KCNT2: variants seen among roughly 807,000 people sequenced by gnomAD.
KCNT2 encodes potassium channel subfamily T member 2.
Under a neutral mutation model 153.8 loss-of-function variants are expected in KCNT2, and 67 were observed. The ratio of observed to expected loss-of-function variants is 0.44; its 90% CI spans 0.36 to 0.53. KCNT2 has a LOEUF of 0.53. Among genes scored for constraint, KCNT2 ranks in the 20% least tolerant of loss-of-function variants. The pLI is 0.00. For synonymous variants in KCNT2, 500 were observed against 458.8 expected, an observed-to-expected ratio of 1.09 and a Z score of -1.15; for missense variants, 975 against 1,354.8, an observed-to-expected ratio of 0.72 and a Z score of 4.40.
chr1:196,585,939 C>T (rs775110225), intron 1 of KCNT2, among the ~76,000 whole-genome samples: 1 of 152,000 alleles, frequency 6.6e-6, no homozygotes, highest in Admixed American at 6.6e-5. Flanking sequence ...TAAATCTCAA[C>T]TCTATTGAAC....
Position 196,442,260 on chromosome 1 carries a change from G to A in KCNT2, c.639-12503C>T, listed in dbSNP as rs1434816705. The stretch of plus-strand genomic sequence containing the variant: ...TCACTTTACCTTTCTACTAATAAAT[G>A]AGAACACTTTCAATTTGTTACTTCT... On this transcript the variant is annotated intron_variant, in intron 8 of 27. Transcript: ENST00000294725. Among the ~76,000 whole-genome samples the A allele has an allele frequency of 1.6e-4, 24 of 151,784 alleles. No homozygotes were observed. The Admixed American group carries it at 1.6e-3, about 10-fold the overall frequency.
chr1:196,411,090 CTT>C (rs1672276794), intron 12 of KCNT2, among the ~76,000 whole-genome samples: 3 of 68,404 alleles, frequency 4.4e-5, no homozygotes, highest in Non-Finnish European at 6.9e-5. Context: ...TCCTTCCTTC[CTT>C]CCTTCCTTCC....
intron 25 of KCNT2, among the ~76,000 whole-genome samples, chr1:196,265,344 T>C (rs919510028): frequency 1.3e-5 from 2 of 152,212 alleles, no homozygotes. Context: ...TGCTGAGTCT[T>C]TCCAAGTTTC....
rs147071877 is a variant in KCNT2 at position 196,544,304 on chromosome 1, ATATT to A, written c.96-51967_96-51964del. 5.4e-4 allele frequency among the ~76,000 whole-genome samples: 82 copies of A among 152,088 alleles called. No homozygotes were observed. The East Asian group carries it at 0.015, about 28-fold the overall frequency. On this transcript the variant is annotated intron_variant, in intron 1 of 27. Transcript: ENST00000294725. ...CCATCATTTGTAAAAAGAAATATAT[ATATT>A]TAATTATAGATGTATAGAATATGTT...
intron 1 of KCNT2, among the ~76,000 whole-genome samples, chr1:196,498,787 T>C (rs1033698494): frequency 6.6e-6 from 1 of 152,204 alleles, no homozygotes; most frequent in Non-Finnish European, 1.5e-5. Context: ...CTCACTCTGT[T>C]TTCACTACTA....
At chr1:196,427,283 T>TG (rs2148534565) in intron 10 of KCNT2, among the ~76,000 whole-genome samples, 1 of 152,078 alleles carries the variant, frequency 6.6e-6, no homozygotes, top group East Asian at 1.9e-4. Flanking sequence ...ATAAATTAGG[T>TG]GTTTTAAAAC....
chr1:196,520,349 A>G (rs1649492461), intron 1 of KCNT2, among the ~76,000 whole-genome samples: 1 of 152,054 alleles, frequency 6.6e-6, no homozygotes, highest in Non-Finnish European at 1.5e-5. Flanking sequence ...AGCCAATATC[A>G]TACTGAATAG....
intron 25 of KCNT2, among the ~76,000 whole-genome samples, chr1:196,266,518 TTAAAG>T (rs1657557306): frequency 6.6e-6 from 1 of 152,114 alleles, no homozygotes; most frequent in African/African-American, 2.4e-5. Flanking sequence ...TAATGACAAA[TTAAAG>T]TAAATCAAAT....
At chr1:196,303,704 T>A (rs1390209223) in intron 22 of KCNT2, among the ~76,000 whole-genome samples, 1 of 152,146 alleles carries the variant, frequency 6.6e-6, no homozygotes, top group Non-Finnish European at 1.5e-5. Context: ...CTCCTACCAC[T>A]ATTTTCCACA....
intron 21 of KCNT2, among the ~76,000 whole-genome samples, chr1:196,313,498 G>A (rs1662394718): frequency 6.6e-6 from 1 of 151,430 alleles, no homozygotes; most frequent in South Asian, 2.1e-4. Context: ...TGATCTGGAG[G>A]ATGATAATTA....
intron 22 of KCNT2, among the ~76,000 whole-genome samples, chr1:196,301,201 G>A (rs1281726768): frequency 3.9e-5 from 6 of 152,096 alleles, no homozygotes; most frequent in African/African-American, 1.4e-4. Flanking sequence ...TGTTCCTCAA[G>A]TCTATTGAAT....
chr1:196,465,446 T>G lies in KCNT2; in HGVS notation c.544-59A>C, dbSNP rs773348031. ...GATAAATACTAAATATGCATGAGTT[T>G]CATTACATTTATTAGCATACATTTC... On this transcript the variant is annotated intron_variant, in intron 7 of 27. Transcript: ENST00000294725. The G allele has an allele frequency of 4.4e-6, 4 of 902,224 alleles. No individual in the cohort carries two copies. In the South Asian group the frequency reaches 5.3e-5, roughly 12 times the overall value. The allele number at this position is 902,224 out of a possible 1,614,324, so 55.9% of individuals were successfully genotyped here.
chr1:196,319,561 T>C lies in KCNT2; in HGVS notation c.2277-6A>G. ...CCAGAAAATGCATATCTGGCCTAAG[T>C]AGTAGATGGGTTACAAAATGAAACA... On this transcript the variant is annotated splice_polypyrimidine_tract_variant and splice_region_variant and intron_variant, in intron 19 of 27. Coordinates refer to ENST00000294725, the MANE Select transcript of KCNT2 (RefSeq NM_198503.5). The C allele has an allele frequency of 1.3e-6, 2 of 1,594,514 alleles. No homozygotes were observed.
chr1:196,257,236 T>C, intron 26 of KCNT2: 2 of 985,048 alleles, frequency 2.0e-6, no homozygotes, highest in Non-Finnish European at 2.4e-6. Context: ...TAGCATGCTA[T>C]GCATAGAGTA....
chr1:196,256,033 G>A (rs1656454132), intron 26 of KCNT2, among the ~76,000 whole-genome samples: 1 of 151,892 alleles, frequency 6.6e-6, no homozygotes, highest in African/African-American at 2.4e-5. Flanking sequence ...CAAATAAAAT[G>A]TGTCTCCACT....
At chr1:196,575,328 T>C (rs1661229622) in intron 1 of KCNT2, among the ~76,000 whole-genome samples, 1 of 152,114 alleles carries the variant, frequency 6.6e-6, no homozygotes, top group South Asian at 2.1e-4. Flanking sequence ...TTCATTACAT[T>C]TAACATTTCT....
chr1:196,432,313 A>G (rs555130224), intron 8 of KCNT2, among the ~76,000 whole-genome samples: 1 of 152,280 alleles, frequency 6.6e-6, no homozygotes, highest in East Asian at 1.9e-4. Context: ...GTATGGCAGC[A>G]CAGAGTCCCC....
At chr1:196,309,244 T>A (rs1661928487) in intron 21 of KCNT2, among the ~76,000 whole-genome samples, 1 of 152,040 alleles carries the variant, frequency 6.6e-6, no homozygotes, top group African/African-American at 2.4e-5. Context: ...GGAACATTTT[T>A]ATTTCCCTTA....
chr1:196,568,720 CA>C (rs1432948819), intron 1 of KCNT2, among the ~76,000 whole-genome samples: 2 of 151,662 alleles, frequency 1.3e-5, no homozygotes, highest in Non-Finnish European at 2.9e-5. Flanking sequence ...TAACAGGCCA[CA>C]GACCAGTATT....
Sources: allele counts gnomAD v4.1 joint callset (sites outside exome capture counted in the v4.1 genomes callset), GRCh38; gene constraint gnomAD v4.1.1; transcripts MANE v1.5; gene names NCBI Gene and HGNC (gene_info 2026-07-23, HGNC 2026-07-21).